TMEM120B: variants seen among roughly 807,000 people sequenced by gnomAD.
TMEM120B encodes transmembrane protein 120B.
Under a neutral mutation model 55.5 loss-of-function variants are expected in TMEM120B, and 31 were observed. The ratio of observed to expected loss-of-function variants is 0.56; its 90% confidence interval spans 0.42 to 0.75. TMEM120B has a LOEUF of 0.75. Among genes scored for constraint, TMEM120B ranks in the 30% least tolerant of loss-of-function variants. The pLI is 0.00. For synonymous variants in TMEM120B, 203 were observed against 176.3 expected (o/e 1.15, Z -1.20); for missense variants, 399 against 425.5 (o/e 0.94, Z 0.55).
chr12:121,769,038 C>T lies in TMEM120B; in HGVS notation c.552-1869C>T, dbSNP rs373547918. ...GCAGGCGCCTGTAGTCGCAGCTACT[C>T]GGGAGACTGAGGCAGGAGAATTGCC... On this transcript the variant is annotated intron_variant, in intron 6 of 11. Transcript: ENST00000449592. Among the ~76,000 whole-genome samples the T allele has an allele frequency of 1.7e-4, 25 of 150,788 alleles. No individual in the cohort carries two copies. In the East Asian group the frequency reaches 2.2e-3, roughly 13 times the overall value.
intron 1 of TMEM120B, among the ~76,000 whole-genome samples, chr12:121,723,137 G>A (rs950136484): frequency 2.8e-5 from 4 of 141,432 alleles, no homozygotes; most frequent in African/African-American, 4.9e-5. Context: ...ATGAGCCACC[G>A]CGCCTGGCTT....
At chr12:121,746,399 C>T (rs1873084787) in intron 2 of TMEM120B, among the ~76,000 whole-genome samples, 1 of 152,062 alleles carries the variant, frequency 6.6e-6, no homozygotes, top group Admixed American at 6.6e-5. Flanking sequence ...ATTGGTCATG[C>T]TGGTCTTGAA....
At chr12:121,744,018 G>A (rs1194981392) in intron 2 of TMEM120B, among the ~76,000 whole-genome samples, 7 of 151,786 alleles carry the variant, frequency 4.6e-5, no homozygotes, top group Non-Finnish European at 8.8e-5. Flanking sequence ...GCTTCCTGCC[G>A]GCTGTGCCAC....
In TMEM120B at chr12:121,773,434, C is replaced by G. The variant is rs1447586279; in HGVS notation, c.693C>G (p.Phe231Leu). 13 of 1,611,058 alleles carry G rather than the reference C, an allele frequency of 8.1e-6. No individual in the cohort carries two copies. In the South Asian group the frequency reaches 1.4e-4, roughly 18 times the overall value. Reference sequence around the variant, plus strand: ...CTCCCCCTGCAGGCTGCGTCCAGTTCCTGCAATATTATTACCAGAGGGGCT... The same window carrying G: ...CTCCCCCTGCAGGCTGCGTCCAGTTGCTGCAATATTATTACCAGAGGGGCT... ...AFSIFQSCVQ[F>L]LQYYYQRGCL... The change falls in exon 9 of 12, where the codon TTC (phenylalanine) becomes TTG (leucine). Residue 231 changes from phenylalanine (F) to leucine (L), a missense_variant. This residue lies in a region of TMEM120B where 260 missense variants were observed against 303.9 expected (regional missense o/e 0.86). Transcript: ENST00000449592.
chr12:121,767,694 C>T (rs1178781906), intron 6 of TMEM120B, among the ~76,000 whole-genome samples: 1 of 152,172 alleles, frequency 6.6e-6, no homozygotes, highest in Non-Finnish European at 1.5e-5. Context: ...CACAACCAGC[C>T]CAGAGCCCCG....
chr12:121,742,734 C>T (rs372191189), intron 1 of TMEM120B, among the ~76,000 whole-genome samples: 3 of 152,034 alleles, frequency 2.0e-5, no homozygotes, highest in African/African-American at 4.8e-5. Context: ...TACAGACGCC[C>T]GCCTGGCTAA....
intron 6 of TMEM120B, among the ~76,000 whole-genome samples, chr12:121,765,979 T>C (rs1269010475): frequency 1.3e-5 from 2 of 152,114 alleles, no homozygotes; most frequent in African/African-American, 4.8e-5. Context: ...TCGGGGCTGG[T>C]GCGCGCCGTC....
intron 8 of TMEM120B, 117 bp from the exon 9 acceptor site, chr12:121,773,304 C>A: frequency 5.8e-6 from 5 of 854,712 alleles, no homozygotes; most frequent in Non-Finnish European, 7.3e-6. Context: ...GTAACCAGGG[C>A]ACCCTTTCTG....
chr12:121,743,624 T>A lies in TMEM120B; in HGVS notation c.70-5T>A. The A allele has an allele frequency of 6.2e-7, 1 of 1,610,060 alleles. No homozygotes were observed. Among genetic ancestry groups the A allele is most frequent in the Non-Finnish European group, 8.5e-7 (1 of 1,176,970 alleles). The stretch of plus-strand genomic sequence containing the variant: ...ACACCCTCCCCCGGGTCCCCTGTTC[T>A]TCAGGAGACGCACAGGATCTACAAG... On this transcript the variant is annotated splice_region_variant and splice_polypyrimidine_tract_variant and intron_variant, in intron 1 of 11. Transcript: ENST00000449592.
chr12:121,741,463 G>A lies in TMEM120B; in HGVS notation c.70-2166G>A, dbSNP rs1242897099. 2.0e-5 allele frequency among the ~76,000 whole-genome samples: 3 copies of A among 152,106 alleles called. 1 individual carries two copies. Among genetic ancestry groups the A allele is most frequent in the Admixed American group, 2.0e-4 (3 of 15,248 alleles). ...TCCTGATTCAGCCTCCTGAATAGCT[G>A]GGATTACAGGCATGTGCCATCACGC... On this transcript the variant is annotated intron_variant, in intron 1 of 11. Coordinates refer to ENST00000449592, the MANE Select transcript of TMEM120B (RefSeq NM_001080825.2).
rs776925903 is a variant in TMEM120B at position 121,780,822 on chromosome 12, G to A, written c.*5100G>A. ...CCCCAGTTGCAGAGGCCAAAGGTCC[G>A]GGAGGCTTCACAGCCACGGCTGTGC... On this transcript the variant is annotated 3_prime_UTR_variant, in exon 12 of 12. Coordinates refer to ENST00000449592, the MANE Select transcript of TMEM120B (RefSeq NM_001080825.2). 8.2e-6 allele frequency: 13 copies of A among 1,583,378 alleles called. No individual in the cohort carries two copies. The highest frequency in any genetic ancestry group is 6.8e-5 in the African/African-American group (5 of 73,892).
rs538886471 is a variant in TMEM120B at position 121,713,315 on chromosome 12, G to T, written c.69+351G>T. Among the ~76,000 whole-genome samples, 9 of 152,264 alleles carry T rather than the reference G, an allele frequency of 5.9e-5. 1 individual carries two copies. The East Asian group carries it at 1.5e-3, about 26-fold the overall frequency. On this transcript the variant is annotated intron_variant, in intron 1 of 11. Coordinates refer to ENST00000449592, the MANE Select transcript of TMEM120B (RefSeq NM_001080825.2). The stretch of plus-strand genomic sequence containing the variant: ...AGAGAACAGCCCAGCCCCCACCTCT[G>T]CAGGGTCTCCCCAGATCTCACCCCG...
intron 1 of TMEM120B, among the ~76,000 whole-genome samples, chr12:121,736,344 AT>A (rs1350858949): frequency 6.0e-5 from 7 of 116,410 alleles, no homozygotes; most frequent in Non-Finnish European, 8.9e-5. Context: ...TTTTTTTTGT[AT>A]TTTTAGTAGA....
rs1001820412 is a variant in TMEM120B, at chr12:121,776,087, G to A, written c.*365G>A. ...TGGGTGGGGTTTGGATGTGCCTCGC[G>A]GGGTTGGATTTATGCTGACCTGCTA... On this transcript the variant is annotated 3_prime_UTR_variant, in exon 12 of 12. Transcript: ENST00000449592. The A allele has an allele frequency of 4.1e-5, 22 of 537,868 alleles. No homozygotes were observed. Among genetic ancestry groups the A allele is most frequent in the African/African-American group, 2.3e-4 (12 of 51,862 alleles). 33.3% of individuals were successfully genotyped at this position (537,868 alleles called of 1,614,324 possible).
chr12:121,720,942 T>C (rs1894779689), intron 1 of TMEM120B, among the ~76,000 whole-genome samples: 1 of 152,108 alleles, frequency 6.6e-6, no homozygotes, highest in African/African-American at 2.4e-5. Context: ...AGCCAAGATG[T>C]GTTAAGGAGG....
intron 9 of TMEM120B, 62 bp from the exon 10 acceptor site, chr12:121,774,596 G>A (rs2137415252): frequency 6.5e-7 from 1 of 1,543,684 alleles, no homozygotes; most frequent in Non-Finnish European, 8.9e-7. Flanking sequence ...GTGGGCGTCT[G>A]GTGGAGCTGT....
At chr12:121,756,798 A>G (rs550012348) in intron 5 of TMEM120B, among the ~76,000 whole-genome samples, 2 of 152,320 alleles carry the variant, frequency 1.3e-5, no homozygotes, top group African/African-American at 4.8e-5. Flanking sequence ...GTTCGTCTCA[A>G]GAGAGTCAGG....
rs1199304558 is a variant in TMEM120B at position 121,761,757 on chromosome 12, T to A, written c.551+19T>A. 1.0e-5 allele frequency: 16 copies of A among 1,602,474 alleles called. No individual in the cohort carries two copies. Among genetic ancestry groups the A allele is most frequent in the Non-Finnish European group, 1.4e-5 (16 of 1,169,768 alleles). The stretch of plus-strand genomic sequence containing the variant: ...GCTCAAGGTACCTGGGCACCTGGCT[T>A]TGTGGGGAGCACAAGAGGAGTTAAA... On this transcript the variant is annotated intron_variant, in intron 6 of 11. Transcript: ENST00000449592.
In TMEM120B at chr12:121,779,915, G is replaced by C. The variant is rs1566530795; in HGVS notation, c.*4193G>C. On this transcript the variant is annotated 3_prime_UTR_variant, in exon 12 of 12. Transcript: ENST00000449592. ...CCTCTCTCCAGCTCCGGGCAGGGAG[G>C]GGCTGAATCCTGAGACCCGGGGTTG... 1 of 478,008 alleles carries C rather than the reference G, an allele frequency of 2.1e-6. No homozygotes were observed. Among genetic ancestry groups the C allele is most frequent in the Non-Finnish European group, 3.8e-6 (1 of 264,498 alleles). The allele number at this position is 478,008 out of a possible 1,614,324, so 29.6% of individuals were successfully genotyped here.
Sources: gnomAD v4.1 joint callset for allele counts (sites outside exome capture counted in the v4.1 genomes callset) on GRCh38, gnomAD v4.1.1 for gene constraint, gnomAD v4.1.1 regional missense constraint, MANE v1.5 for transcripts, NCBI Gene and HGNC (gene_info 2026-07-23, HGNC 2026-07-21) for gene names.